The following CCDC50 variants were observed in gnomAD, a reference collection of about 807,000 sequenced individuals.
The protein encoded by CCDC50 is coiled-coil domain-containing protein 50.
CCDC50 carries 54 observed loss-of-function variants against 70.2 expected under a neutral mutation model. That is an observed-to-expected ratio of 0.77 (90% CI 0.62 to 0.96). The LOEUF (loss-of-function observed/expected upper bound fraction) is 0.96. Ranked by LOEUF, CCDC50 falls within the 50% of genes least tolerant of loss-of-function variation. CCDC50 has a pLI of 0.00. For missense variants in CCDC50, 558 were observed against 578.7 expected, an observed-to-expected ratio of 0.96 and a Z score of 0.37; for synonymous variants, 216 against 198.8, an observed-to-expected ratio of 1.09 and a Z score of -0.73.
At position 191,398,345 on chromosome 3, in the gene CCDC50, T is replaced by C. The variant is rs1272500529; in HGVS notation, c.*6585T>C. On this transcript the variant is annotated 3_prime_UTR_variant, in exon 12 of 12. Transcript: ENST00000392455. Reference sequence around the variant, plus strand: ...TTTAAACCAAAGTATTCTATAAGTCTGTGTGCTTTGTTTTCCTGGATGGTT... The same window carrying C: ...TTTAAACCAAAGTATTCTATAAGTCCGTGTGCTTTGTTTTCCTGGATGGTT... The C allele has an allele frequency of 6.6e-6, 1 of 152,236 alleles. No homozygotes were observed. Among genetic ancestry groups the C allele is most frequent in the Non-Finnish European group, 1.5e-5 (1 of 68,044 alleles). The allele number at this position is 152,236 out of a possible 1,614,324, so 9.4% of individuals were successfully genotyped here. A position where few individuals can be genotyped will look rare whatever the true frequency, so the allele number is the denominator to read the frequency against.
intron 4 of CCDC50, among the ~76,000 whole-genome samples, chr3:191,363,462 G>A (rs1403601544): frequency 6.6e-6 from 1 of 152,196 alleles, no homozygotes; most frequent in East Asian, 1.9e-4. Flanking sequence ...CTCAGGTTCC[G>A]AAATGGGTTG....
chr3:191,377,147 T>C (rs1330579241), intron 6 of CCDC50, among the ~76,000 whole-genome samples: 1 of 152,212 alleles, frequency 6.6e-6, no homozygotes, highest in Non-Finnish European at 1.5e-5. Context: ...GCTGCTTTTC[T>C]ATCATTTTAT....
intron 6 of CCDC50, among the ~76,000 whole-genome samples, chr3:191,378,020 TC>T (rs1256674742): frequency 6.6e-6 from 1 of 152,138 alleles, no homozygotes; most frequent in Non-Finnish European, 1.5e-5. Context: ...CACTGTGAGT[TC>T]TTTTTCTATA....
intron 1 of CCDC50, among the ~76,000 whole-genome samples, chr3:191,344,439 A>G (rs1030021493): frequency 1.3e-5 from 2 of 152,210 alleles, no homozygotes; most frequent in African/African-American, 2.4e-5. Flanking sequence ...AATTTATATT[A>G]TATGTAACAG....
At chr3:191,335,424 C>T (rs1187453100) in intron 1 of CCDC50, among the ~76,000 whole-genome samples, 4 of 152,074 alleles carry the variant, frequency 2.6e-5, no homozygotes, top group Non-Finnish European at 5.9e-5. Flanking sequence ...TAACCTAGAT[C>T]TTAGATAAGA....
rs762006742 is a variant in CCDC50 at position 191,358,021 on chromosome 3, G to A, written c.136G>A (p.Val46Ile). 2.2e-5 allele frequency: 35 copies of A among 1,613,820 alleles called. No individual in the cohort carries two copies. The highest frequency in any genetic ancestry group is 2.7e-5 in the Non-Finnish European group (32 of 1,179,888). Reference sequence around the variant, plus strand: ...AGTTGAGCATCATTTGGCATCGAACGTTCAGCGGAACCGTTTGGTCCAGCA... The same window carrying A: ...AGTTGAGCATCATTTGGCATCGAACATTCAGCGGAACCGTTTGGTCCAGCA... ...QEIEHHLASN[V>I]QRNRLVQHDL... Residue 46 changes from valine to isoleucine, a missense_variant, in exon 3 of 12, where the codon GTT becomes ATT. Coordinates refer to ENST00000392455, the MANE Select transcript of CCDC50 (RefSeq NM_178335.3).
chr3:191,351,797 G>T (rs1712115419), intron 1 of CCDC50, among the ~76,000 whole-genome samples: 1 of 140,576 alleles, frequency 7.1e-6, no homozygotes, highest in Admixed American at 7.3e-5. Flanking sequence ...TCCTTATGAG[G>T]GTGCACAGGG....
At chr3:191,383,318 A>G (rs1713381623) in intron 10 of CCDC50, among the ~76,000 whole-genome samples, 1 of 151,982 alleles carries the variant, frequency 6.6e-6, no homozygotes, top group Non-Finnish European at 1.5e-5. Context: ...TGGTGTACAT[A>G]CTTTCTGATT....
chr3:191,358,204 G>C, intron 3 of CCDC50, 80 bp downstream of exon 3: 1 of 1,535,068 alleles, frequency 6.5e-7, no homozygotes, highest in Non-Finnish European at 9.0e-7. Context: ...GGGAGAAGGA[G>C]ACTACTTCTG....
At chr3:191,345,530 C>G (rs1041666740) in intron 1 of CCDC50, among the ~76,000 whole-genome samples, 1 of 152,042 alleles carries the variant, frequency 6.6e-6, no homozygotes, top group Non-Finnish European at 1.5e-5. Context: ...AATAAGTTAC[C>G]CACTTTACTC....
chr3:191,329,832 C>A, intron 1 of CCDC50, 109 bp downstream of exon 1: 1 of 1,161,302 alleles, frequency 8.6e-7, no homozygotes, highest in Non-Finnish European at 1.2e-6. Context: ...GCCCGGTGCC[C>A]GCCCTGCGTT....
intron 10 of CCDC50, among the ~76,000 whole-genome samples, chr3:191,386,216 ATTTTTTTTT>A (rs76983981): frequency 5.4e-4 from 68 of 125,734 alleles, no homozygotes; most frequent in Admixed American, 9.8e-4. Flanking sequence ...TAGTATGGGC[ATTTTTTTTT>A]TTTTTTTTTT....
chr3:191,388,640 C>T (rs937615521), intron 10 of CCDC50, among the ~76,000 whole-genome samples: 1 of 152,184 alleles, frequency 6.6e-6, no homozygotes, highest in African/African-American at 2.4e-5. Context: ...TTTTACATGA[C>T]AGAGCCCATT....
intron 10 of CCDC50, among the ~76,000 whole-genome samples, chr3:191,388,627 T>C (rs79050626): frequency 0.06 from 9,199 of 152,264 alleles, 392 homozygotes; most frequent in Admixed American, 0.11. Flanking sequence ...CACTTGCTTT[T>C]ATTTTTACAT....
At chr3:191,349,882 A>G (rs939653513) in intron 1 of CCDC50, among the ~76,000 whole-genome samples, 2 of 140,670 alleles carry the variant, frequency 1.4e-5, no homozygotes, top group Non-Finnish European at 3.2e-5. Context: ...GAATACATGT[A>G]CCATCTTTAC....
rs116195255 is a variant in CCDC50, at chr3:191,377,434, A to G, written c.976+1845A>G. The stretch of plus-strand genomic sequence containing the variant: ...AAAGGGACTGCAAAATAAAATTTTA[A>G]ATTAAGTATAAGATAACTTTCTACA... On this transcript the variant is annotated intron_variant, in intron 6 of 11. Coordinates refer to ENST00000392455, the MANE Select transcript of CCDC50 (RefSeq NM_178335.3). Among the ~76,000 whole-genome samples, 953 of 152,256 alleles carry G rather than the reference A, an allele frequency of 6.3e-3. 9 individuals carry two copies. The highest frequency in any genetic ancestry group is 0.022 in the African/African-American group (913 of 41,530).
chr3:191,334,936 A>G (rs1718093631), intron 1 of CCDC50, among the ~76,000 whole-genome samples: 1 of 152,194 alleles, frequency 6.6e-6, no homozygotes, highest in Non-Finnish European at 1.5e-5. Context: ...GAACTGTAGG[A>G]AGTCACACTC....
chr3:191,362,889 C>A (rs1422398322), intron 4 of CCDC50, among the ~76,000 whole-genome samples: 1 of 152,160 alleles, frequency 6.6e-6, no homozygotes, highest in African/African-American at 2.4e-5. Context: ...TTGATACTTC[C>A]TGTAATACAC....
intron 1 of CCDC50, among the ~76,000 whole-genome samples, chr3:191,347,148 GT>G (rs1711955386): frequency 7.0e-6 from 1 of 142,380 alleles, no homozygotes; most frequent in African/African-American, 2.5e-5. Flanking sequence ...TATCTGTGAT[GT>G]TTATTGCAGG....
Sources: allele counts gnomAD v4.1 joint callset (sites outside exome capture counted in the v4.1 genomes callset), GRCh38; gene constraint gnomAD v4.1.1; transcripts MANE v1.5; gene names NCBI Gene and HGNC (gene_info 2026-07-23, HGNC 2026-07-21).